Variants in VPS13B observed in about 807,000 individuals in gnomAD.
The protein encoded by VPS13B is intermembrane lipid transfer protein VPS13B.
VPS13B carries 285 observed loss-of-function variants against 426.4 expected under a neutral mutation model. The ratio of observed to expected loss-of-function variants is 0.67; its 90% CI spans 0.61 to 0.74. VPS13B has a LOEUF of 0.74. Ranked by LOEUF, VPS13B falls within the 30% of genes least tolerant of loss-of-function variation. The probability of loss-of-function intolerance (pLI) is 0.00; values close to 1 mark genes in which losing one functional copy is unlikely to be tolerated. For synonymous variants in VPS13B, 1,676 were observed against 1,676.4 expected (o/e 1.00, Z 0.01); for missense variants, 4,537 against 4,782.6 (o/e 0.95, Z 1.51).
At chr8:99,824,320 A>G (rs1316560061) in intron 51 of VPS13B, among the ~76,000 whole-genome samples, 2 of 152,208 alleles carry the variant, frequency 1.3e-5, no homozygotes, top group Non-Finnish European at 2.9e-5. Flanking sequence ...GTCACATGGA[A>G]AAGCACATCT....
At chr8:99,330,359 A>G (rs1810486041) in intron 19 of VPS13B, among the ~76,000 whole-genome samples, 1 of 151,838 alleles carries the variant, frequency 6.6e-6, no homozygotes. Flanking sequence ...AATATATTCT[A>G]TTTGGAGGTT....
chr8:99,045,876 G>A (rs890285867), intron 3 of VPS13B, among the ~76,000 whole-genome samples: 1 of 152,052 alleles, frequency 6.6e-6, no homozygotes, highest in Non-Finnish European at 1.5e-5. Context: ...GCTTATTTCT[G>A]GGTTCTCTAT....
intron 31 of VPS13B, among the ~76,000 whole-genome samples, chr8:99,558,899 A>G (rs1222428270): frequency 6.6e-6 from 1 of 152,138 alleles, no homozygotes; most frequent in Non-Finnish European, 1.5e-5. Flanking sequence ...TAGCAGCATG[A>G]TTTATAATCC....
At chr8:99,155,655 T>C (rs1222656849) in intron 14 of VPS13B, among the ~76,000 whole-genome samples, 1 of 152,242 alleles carries the variant, frequency 6.6e-6, no homozygotes, top group African/African-American at 2.4e-5. Context: ...TTCGACTTAG[T>C]TTTAAGCACA....
intron 3 of VPS13B, among the ~76,000 whole-genome samples, chr8:99,064,203 C>A (rs765288873): frequency 1.1e-4 from 16 of 152,108 alleles, no homozygotes; most frequent in Non-Finnish European, 1.8e-4. Flanking sequence ...TCTTCTCCCC[C>A]AAAGGATCGT....
intron 31 of VPS13B, among the ~76,000 whole-genome samples, chr8:99,573,899 C>G (rs555561508): frequency 6.6e-6 from 1 of 152,088 alleles, no homozygotes; most frequent in Admixed American, 6.5e-5. Flanking sequence ...GCAGTATGGC[C>G]ATTTTCATGA....
rs1224364715 is a variant in VPS13B at position 99,478,476 on chromosome 8, T to G, written c.3667-3123T>G. On this transcript the variant is annotated intron_variant, in intron 24 of 61. Coordinates refer to ENST00000357162, the MANE Select transcript of VPS13B (RefSeq NM_152564.5). The stretch of plus-strand genomic sequence containing the variant: ...TTTTTTTTTTTTTTTGTTTTTTGTT[T>G]TTTTTTTTTTGCCGAGGCAGGTGTG... Among the ~76,000 whole-genome samples the G allele has an allele frequency of 2.0e-4, 30 of 147,022 alleles. No homozygotes were observed. In the East Asian group the frequency reaches 2.9e-3, roughly 14 times the overall value.
intron 43 of VPS13B, among the ~76,000 whole-genome samples, chr8:99,787,737 C>T (rs1812337220): frequency 6.6e-6 from 1 of 152,110 alleles, no homozygotes; most frequent in African/African-American, 2.4e-5. Flanking sequence ...AGTGACATCT[C>T]CACCAACTGG....
intron 17 of VPS13B, among the ~76,000 whole-genome samples, chr8:99,264,934 G>T: frequency 6.6e-6 from 1 of 151,192 alleles, no homozygotes; most frequent in South Asian, 2.1e-4. Context: ...GGATTTTTTG[G>T]TTTTAATTTA....
At chr8:99,537,434 C>A (rs1823312524) in intron 30 of VPS13B, among the ~76,000 whole-genome samples, 1 of 152,100 alleles carries the variant, frequency 6.6e-6, no homozygotes, top group African/African-American at 2.4e-5. Context: ...TTGCCTGATT[C>A]TATATCATAT....
chr8:99,588,963 A>G (rs949918163), intron 33 of VPS13B, among the ~76,000 whole-genome samples: 2 of 151,774 alleles, frequency 1.3e-5, no homozygotes, highest in Non-Finnish European at 1.5e-5. Context: ...TTATTTTGAG[A>G]TACATTCCAT....
At chr8:99,483,837 T>G (rs1820166454) in intron 25 of VPS13B, among the ~76,000 whole-genome samples, 1 of 152,176 alleles carries the variant, frequency 6.6e-6, no homozygotes, top group African/African-American at 2.4e-5. Context: ...TGACAGCTTT[T>G]GGTCATACAT....
intron 33 of VPS13B, among the ~76,000 whole-genome samples, chr8:99,621,789 TTTTTTTGTTTGTTTG>T (rs1037866520): frequency 6.6e-6 from 1 of 151,646 alleles, no homozygotes; most frequent in Non-Finnish European, 1.5e-5. Context: ...CATTCATTCC[TTTTTTTGTTTGTTTG>T]TTTTTTGTTT....
chr8:99,705,737 G>A (rs1042820670), intron 36 of VPS13B, among the ~76,000 whole-genome samples: 4 of 152,008 alleles, frequency 2.6e-5, no homozygotes, highest in Admixed American at 6.6e-5. Context: ...GTACATTTTT[G>A]TTTTAGTGCT....
intron 16 of VPS13B, among the ~76,000 whole-genome samples, chr8:99,187,646 G>T (rs1813292239): frequency 6.6e-6 from 1 of 152,144 alleles, no homozygotes; most frequent in South Asian, 2.1e-4. Context: ...GGGCAACTGT[G>T]TATTTGATTG....
Position 99,642,247 on chromosome 8 carries a change from A to G in VPS13B, c.5657A>G (p.Lys1886Arg), listed in dbSNP as rs1268497509. The G allele has an allele frequency of 5.6e-6, 9 of 1,614,136 alleles. No homozygotes were observed. Among genetic ancestry groups the G allele is most frequent in the Non-Finnish European group, 6.8e-6 (8 of 1,179,996 alleles). Residue 1886 changes from lysine to arginine, a missense_variant, in exon 34 of 62, where the codon AAA (lysine) becomes AGA (arginine). Physicochemically the swap from Lys to Arg is conservative, Grantham distance 26. Around this residue, in one of 2 missense-constraint regions of VPS13B, gnomAD observed 4,311 missense variants for 4,474.3 expected, o/e 0.96. Coordinates refer to ENST00000357162, the MANE Select transcript of VPS13B (RefSeq NM_152564.5). ...AGCAGCATTTCTTTTCCTTCAGGGAAAAAAATAGGGGTCCTCTCTCTTGAA... is the reference window on the plus strand; with the variant it reads ...AGCAGCATTTCTTTTCCTTCAGGGAGAAAAATAGGGGTCCTCTCTCTTGAA... Reference protein sequence around the residue: ...LRSSISFPSGKKIGVLSLESL... With the variant: ...LRSSISFPSGRKIGVLSLESL...
At chr8:99,247,700 G>T (rs987686879) in intron 17 of VPS13B, among the ~76,000 whole-genome samples, 4 of 152,078 alleles carry the variant, frequency 2.6e-5, no homozygotes, top group Non-Finnish European at 5.9e-5. Flanking sequence ...TTCAAGGCTG[G>T]TGTCTTAGCA....
At chr8:99,243,284 C>G (rs1817030224) in intron 17 of VPS13B, among the ~76,000 whole-genome samples, 1 of 152,156 alleles carries the variant, frequency 6.6e-6, no homozygotes, top group Non-Finnish European at 1.5e-5. Context: ...AGACAAAATT[C>G]TAGCCCTGTA....
intron 3 of VPS13B, chr8:99,093,865 A>T (rs1471229604): frequency 1.3e-5 from 2 of 152,218 alleles, no homozygotes; most frequent in Non-Finnish European, 2.9e-5. Flanking sequence ...AAATTCCTCG[A>T]CACAGACACT....
Sources: gnomAD v4.1 joint callset for allele counts (sites outside exome capture counted in the v4.1 genomes callset) on GRCh38, gnomAD v4.1.1 for gene constraint, gnomAD v4.1.1 regional missense constraint, MANE v1.5 for transcripts, NCBI Gene and HGNC (gene_info 2026-07-23, HGNC 2026-07-21) for gene names.